VEGFD: variants seen among roughly 807,000 people sequenced by gnomAD.
VEGFD encodes vascular endothelial growth factor D, also known as c-fos induced growth factor (vascular endothelial growth factor D).
VEGFD carries 26 observed loss-of-function variants against 28.0 expected under a neutral mutation model. That is an observed-to-expected ratio of 0.93 (90% CI 0.68 to 1.29). The LOEUF (loss-of-function observed/expected upper bound fraction) is 1.29. Among genes scored for constraint, VEGFD ranks in the 50% most tolerant of loss-of-function variants. The pLI is 0.00. For missense variants in VEGFD, 294 were observed against 273.4 expected, an observed-to-expected ratio of 1.08 and a Z score of -0.53; for synonymous variants, 93 against 95.5, an observed-to-expected ratio of 0.97 and a Z score of 0.15.
chrX:15,353,014 C>T, intron 5 of VEGFD, 54 bp downstream of exon 5: 2 of 670,440 alleles, frequency 3.0e-6, no homozygotes, highest in Non-Finnish European at 4.6e-6. Context: ...ACGGTTGCTG[C>T]TATTGTTGCT....
chrX:15,379,480 A>G (rs1923516075), intron 1 of VEGFD, among the ~76,000 whole-genome samples: 1 of 112,134 alleles, frequency 8.9e-6, no homozygotes, highest in East Asian at 2.8e-4. Context: ...TGTTTGCTGT[A>G]TAATGCCCTA....
Position 15,384,346 on chromosome X carries a change from T to C in VEGFD, c.-400A>G, listed in dbSNP as rs1923666690. On this transcript the variant is annotated 5_prime_UTR_variant, in exon 1 of 7. Coordinates refer to ENST00000297904, the MANE Select transcript of VEGFD (RefSeq NM_004469.5). ...ACCAATGCTTACAGCTACAGAAAGCTGGAACCCAACTCTGGATTGAAACTT... is the reference window on the plus strand; with the variant it reads ...ACCAATGCTTACAGCTACAGAAAGCCGGAACCCAACTCTGGATTGAAACTT... 1 of 128,408 alleles carries C rather than the reference T, an allele frequency of 7.8e-6. No individual in the cohort carries two copies. Among genetic ancestry groups the C allele is most frequent in the African/African-American group, 3.2e-5 (1 of 31,276 alleles). The allele number at this position is 128,408 out of a possible 1,213,427, so 10.6% of individuals were successfully genotyped here.
Position 15,363,291 on chromosome X carries a change from G to C in VEGFD, c.119C>G (p.Ser40Cys). 1 of 1,210,997 alleles carries C rather than the reference G, an allele frequency of 8.3e-7. No individual in the cohort carries two copies. Among genetic ancestry groups the C allele is most frequent in the Non-Finnish European group, 1.1e-6 (1 of 894,997 alleles). ...KRSSQSTLER[S>C]EQQIRAASSL... Reference sequence around the variant, plus strand: ...AGAAGCAGCCCTGATCTGCTGTTCAGATCGTTCCAATGTGGACTGAGATGA... The same window carrying C: ...AGAAGCAGCCCTGATCTGCTGTTCACATCGTTCCAATGTGGACTGAGATGA... Residue 40 changes from serine (S) to cysteine (C), a missense_variant, in exon 2 of 7, where the codon TCT becomes TGT. Physicochemically the swap from Ser to Cys is moderately radical, Grantham distance 112. Coordinates refer to ENST00000297904, the MANE Select transcript of VEGFD (RefSeq NM_004469.5).
At chrX:15,349,059 G>T (rs1265489712) in intron 5 of VEGFD, among the ~76,000 whole-genome samples, 1 of 112,685 alleles carries the variant, frequency 8.9e-6, no homozygotes, top group Non-Finnish European at 1.9e-5. Flanking sequence ...GAGAATGGGT[G>T]CTGGAAGGCT....
chrX:15,368,704 C>A (rs745696321), intron 1 of VEGFD, among the ~76,000 whole-genome samples: 33 of 112,027 alleles, frequency 2.9e-4, no homozygotes, highest in Non-Finnish European at 5.8e-4. Context: ...ATTACTAAAC[C>A]TTTGCCAAGT....
rs758289223 is a variant in VEGFD at position 15,374,508 on chromosome X, G to A, written c.90+9349C>T. On this transcript the variant is annotated intron_variant, in intron 1 of 6. Coordinates refer to ENST00000297904, the MANE Select transcript of VEGFD (RefSeq NM_004469.5). The stretch of plus-strand genomic sequence containing the variant: ...ATTCCCAAAAAACCAAAATGACAGC[G>A]AACCAAAAATACAAAACGACAGTGA... Among the ~76,000 whole-genome samples, 11 of 111,771 alleles carry A rather than the reference G, an allele frequency of 9.8e-5. 1 individual carries two copies. In the East Asian group the frequency reaches 3.1e-3, roughly 31 times the overall value.
intron 1 of VEGFD, among the ~76,000 whole-genome samples, chrX:15,376,858 T>C (rs1348603746): frequency 9.0e-6 from 1 of 111,623 alleles, no homozygotes; most frequent in Non-Finnish European, 1.9e-5. Flanking sequence ...TCAATCAAAA[T>C]TACACTCTTT....
intron 2 of VEGFD, among the ~76,000 whole-genome samples, chrX:15,362,863 G>A (rs1923050902): frequency 9.0e-6 from 1 of 111,477 alleles, no homozygotes; most frequent in Non-Finnish European, 1.9e-5. Flanking sequence ...CCACATCCTT[G>A]AGTTAAATTT....
At chrX:15,364,442 T>G (rs1481022053) in intron 1 of VEGFD, among the ~76,000 whole-genome samples, 1 of 111,559 alleles carries the variant, frequency 9.0e-6, no homozygotes, top group Non-Finnish European at 1.9e-5. Context: ...TTGTTCAAAA[T>G]TGGGGGCTTA....
chrX:15,353,096 C>T lies in VEGFD; in HGVS notation c.714G>A (p.Gln238=), dbSNP rs990454442. 17 of 1,182,991 alleles carry T rather than the reference C, an allele frequency of 1.4e-5. No individual in the cohort carries two copies. The highest frequency in any genetic ancestry group is 1.9e-5 in the Non-Finnish European group (17 of 876,545). ...CTGTTCCAGCAAGTGGATTTTCCTC[C>T]TGCAAAACACATTTACATTTGTTGC... ...WDSNKCKCVL[Q]EENPLAGTED... Residue 238 remains glutamine (Q), a synonymous_variant, in exon 5 of 7, where the codon CAG becomes CAA. Transcript: ENST00000297904.
intron 1 of VEGFD, among the ~76,000 whole-genome samples, chrX:15,363,723 T>A (rs1318150860): frequency 8.9e-6 from 1 of 112,086 alleles, no homozygotes; most frequent in East Asian, 2.8e-4. Flanking sequence ...GGACCCTAAA[T>A]ACTGTACAAT....
At chrX:15,353,422 T>G (rs1922780498) in intron 4 of VEGFD, among the ~76,000 whole-genome samples, 1 of 112,477 alleles carries the variant, frequency 8.9e-6, no homozygotes, top group Non-Finnish European at 1.9e-5. Context: ...CACAAAATGA[T>G]AAGGATGTGA....
chrX:15,347,476 C>T (rs1202116143), intron 5 of VEGFD, 117 bp from the exon 6 acceptor site: 4 of 526,024 alleles, frequency 7.6e-6, no homozygotes, highest in East Asian at 7.6e-5. Flanking sequence ...AATCTCCTTC[C>T]TATAGATTTA....
intron 2 of VEGFD, among the ~76,000 whole-genome samples, chrX:15,360,397 G>A (rs1267852272): frequency 7.6e-5 from 8 of 104,999 alleles, no homozygotes; most frequent in East Asian, 3.0e-4. Flanking sequence ...GGAGTGCAGC[G>A]GCGCGATCTC....
chrX:15,353,601 G>A (rs1023718170), intron 4 of VEGFD, among the ~76,000 whole-genome samples: 2 of 111,398 alleles, frequency 1.8e-5, no homozygotes, highest in African/African-American at 6.5e-5. Context: ...TTAGCCGGGC[G>A]TGGCGGCACA....
intron 5 of VEGFD, among the ~76,000 whole-genome samples, chrX:15,352,618 T>C (rs1281109525): frequency 3.6e-5 from 4 of 112,440 alleles, no homozygotes; most frequent in Non-Finnish European, 7.5e-5. Context: ...TATGTTCCTG[T>C]GAGACTTTTA....
rs764958672 is a variant in VEGFD, at chrX:15,383,362, A to G, written c.90+495T>C. Among the ~76,000 whole-genome samples the G allele has an allele frequency of 1.6e-3, 183 of 112,413 alleles. 1 individual carries two copies. Among genetic ancestry groups the G allele is most frequent in the African/African-American group, 5.7e-3 (178 of 30,987 alleles). On this transcript the variant is annotated intron_variant, in intron 1 of 6. Coordinates refer to ENST00000297904, the MANE Select transcript of VEGFD (RefSeq NM_004469.5). Reference sequence around the variant, plus strand: ...GCGAAAAAACCAAACACTCTCTGAGAAAACATTTTTCTGGATGGCAGCAAT... The same window carrying G: ...GCGAAAAAACCAAACACTCTCTGAGGAAACATTTTTCTGGATGGCAGCAAT...
intron 1 of VEGFD, among the ~76,000 whole-genome samples, chrX:15,371,914 G>A (rs1332600960): frequency 8.9e-6 from 1 of 111,983 alleles, no homozygotes; most frequent in African/African-American, 3.2e-5. Flanking sequence ...CATCATAACA[G>A]TAAAATTTAT....
intron 3 of VEGFD, among the ~76,000 whole-genome samples, chrX:15,357,424 G>A (rs1922893833): frequency 9.0e-6 from 1 of 110,966 alleles, no homozygotes; most frequent in Non-Finnish European, 1.9e-5. Context: ...AGAGTTGACA[G>A]TGGCCAGTCC....
Sources: gnomAD v4.1 joint callset for allele counts (sites outside exome capture counted in the v4.1 genomes callset) on GRCh38, gnomAD v4.1.1 for gene constraint, MANE v1.5 for transcripts, NCBI Gene and HGNC (gene_info 2026-07-23, HGNC 2026-07-21) for gene names.